Variants in CMTR1 observed in about 807,000 individuals in gnomAD.
The protein encoded by CMTR1 is cap-specific mRNA (nucleoside-2'-O-)-methyltransferase 1.
CMTR1 carries 39 observed loss-of-function variants against 107.0 expected under a neutral mutation model. The ratio of observed to expected loss-of-function variants is 0.36; its 90% CI spans 0.28 to 0.48. The LOEUF (loss-of-function observed/expected upper bound fraction) is 0.48, where lower values mean the gene tolerates loss of function less well. Among genes scored for constraint, CMTR1 ranks in the 20% least tolerant of loss-of-function variants. The probability of loss-of-function intolerance (pLI) is 0.99; values close to 1 mark genes in which losing one functional copy is unlikely to be tolerated. For synonymous variants in CMTR1, 366 were observed against 379.5 expected (o/e 0.96, Z 0.41); for missense variants, 672 against 1,064.9 (o/e 0.63, Z 5.14).
chr6:37,454,877 GGC>G (rs1761257875), intron 8 of CMTR1, among the ~76,000 whole-genome samples: 1 of 152,114 alleles, frequency 6.6e-6, no homozygotes, highest in African/African-American at 2.4e-5. Flanking sequence ...AAGCCCCACA[GGC>G]TTGGTGTGGT....
At chr6:37,460,904 C>T (rs1761390219) in intron 10 of CMTR1, among the ~76,000 whole-genome samples, 1 of 152,140 alleles carries the variant, frequency 6.6e-6, no homozygotes, top group Admixed American at 6.5e-5. Flanking sequence ...ACTCTGTCTC[C>T]TGCTGGGATC....
At position 37,481,342 on chromosome 6, in the gene CMTR1, C is replaced by T. The variant is rs1353330524; in HGVS notation, c.*1197C>T. 4.2e-6 allele frequency: 5 copies of T among 1,195,222 alleles called. No individual in the cohort carries two copies. The highest frequency in any genetic ancestry group is 5.3e-6 in the Non-Finnish European group (5 of 946,268). 74.0% of individuals were successfully genotyped at this position (1,195,222 alleles called of 1,614,324 possible). A position where few individuals can be genotyped will look rare whatever the true frequency, so the allele number is the denominator to read the frequency against. ...TCCATGGAGATAGGGCACTGAGGCT[C>T]CCGTGAGGTTGGAATCGACTTCACC... On this transcript the variant is annotated 3_prime_UTR_variant, in exon 24 of 24. Transcript: ENST00000373451.
intron 13 of CMTR1, among the ~76,000 whole-genome samples, chr6:37,468,057 G>A (rs560470827): frequency 6.7e-6 from 1 of 148,312 alleles, no homozygotes; most frequent in African/African-American, 2.5e-5. Context: ...TGTTTTGTGG[G>A]GGGGGGGACT....
At chr6:37,447,092 G>T (rs1013203872) in intron 4 of CMTR1, among the ~76,000 whole-genome samples, 1 of 152,000 alleles carries the variant, frequency 6.6e-6, no homozygotes, top group African/African-American at 2.4e-5. Flanking sequence ...TCTGTAGTGG[G>T]TACAATAAAA....
chr6:37,424,479 C>T, the CMTR1 span, among the ~76,000 whole-genome samples: 1 of 151,844 alleles, frequency 6.6e-6, no homozygotes, highest in Admixed American at 6.6e-5. Context: ...GATCTCCTGA[C>T]CTCGTGATCC....
intron 13 of CMTR1, among the ~76,000 whole-genome samples, chr6:37,470,445 C>T (rs561246863): frequency 6.6e-6 from 1 of 152,122 alleles, no homozygotes; most frequent in South Asian, 2.1e-4. Context: ...CGCGCCTGGC[C>T]GTCATTCACC....
the CMTR1 span, among the ~76,000 whole-genome samples, chr6:37,424,137 G>A: frequency 4.6e-3 from 695 of 152,192 alleles, 9 homozygotes; most frequent in African/African-American, 0.016. Flanking sequence ...CGATTTTACA[G>A]GCTGCTCTTT....
intron 14 of CMTR1, 54 bp downstream of exon 14, chr6:37,471,131 T>C: frequency 6.8e-7 from 1 of 1,478,606 alleles, no homozygotes; most frequent in Non-Finnish European, 9.2e-7. Flanking sequence ...GATCTTGCTT[T>C]TCCTCCCCAC....
chr6:37,466,111 TTTG>T (rs766633058), intron 13 of CMTR1, among the ~76,000 whole-genome samples: 8 of 124,694 alleles, frequency 6.4e-5, no homozygotes, highest in African/African-American at 3.1e-4. Flanking sequence ...TTTTACAGTT[TTTG>T]TTTTTTTTTT....
chr6:37,479,408 T>G (rs1018469829), intron 23 of CMTR1, among the ~76,000 whole-genome samples, 153 bp downstream of exon 23: 4 of 152,252 alleles, frequency 2.6e-5, no homozygotes, highest in Admixed American at 2.0e-4. Context: ...CTTGTGGGGA[T>G]GGCAGCCCCC....
chr6:37,474,467 C>A, intron 17 of CMTR1, 57 bp from the exon 18 acceptor site: 1 of 1,603,804 alleles, frequency 6.2e-7, no homozygotes, highest in South Asian at 1.1e-5. Context: ...GAGAAGTAAG[C>A]CTCTTATCCC....
intron 8 of CMTR1, among the ~76,000 whole-genome samples, chr6:37,457,546 G>T (rs1189809394): frequency 6.6e-6 from 1 of 152,196 alleles, no homozygotes; most frequent in Non-Finnish European, 1.5e-5. Context: ...AAATCTAAAT[G>T]AAGTCTAGAG....
intron 9 of CMTR1, among the ~76,000 whole-genome samples, chr6:37,459,343 C>G (rs1761357540): frequency 6.6e-6 from 1 of 152,220 alleles, no homozygotes; most frequent in African/African-American, 2.4e-5. Context: ...AGAGAAAGTT[C>G]CACGAGTTGA....
chr6:37,440,227 A>G (rs759671766), intron 2 of CMTR1, among the ~76,000 whole-genome samples: 1 of 152,170 alleles, frequency 6.6e-6, no homozygotes, highest in Non-Finnish European at 1.5e-5. Flanking sequence ...AGTTTAATAG[A>G]CTGACCTTAT....
chr6:37,480,107 G>A lies in CMTR1; in HGVS notation c.2470G>A (p.Glu824Lys). The A allele has an allele frequency of 2.5e-6, 4 of 1,600,170 alleles. No homozygotes were observed. Among genetic ancestry groups the A allele is most frequent in the Non-Finnish European group, 3.4e-6 (4 of 1,173,978 alleles). Residue 824 changes from glutamate to lysine, a missense_variant, in exon 24 of 24, where the codon GAG (glutamate) becomes AAG (lysine). Transcript: ENST00000373451. ...KPQDQDKLSK[E>K]DVLSFIQMHR... ...CCAGGACCAGGACAAGCTGTCCAAG[G>A]AGGACGTCCTCTCCTTCATCCAGAT...
At chr6:37,471,995 C>A in intron 15 of CMTR1, 91 bp downstream of exon 15, 1 of 1,167,634 alleles carries the variant, frequency 8.6e-7, no homozygotes, top group Non-Finnish European at 1.2e-6. Context: ...CTTAGGGTGT[C>A]TCTGCATCCA....
At position 37,435,502 on chromosome 6, in the gene CMTR1, C is replaced by T. The variant is rs137903617; in HGVS notation, c.-6-122C>T. On this transcript the variant is annotated intron_variant, in intron 1 of 23. Coordinates refer to ENST00000373451, the MANE Select transcript of CMTR1 (RefSeq NM_015050.3). ...GAGGAAGAGGCTATTCAAGTGCTGG[C>T]ACTGGAAGATGTGTAGAATTGCCAA... 1.6e-5 allele frequency: 16 copies of T among 1,013,526 alleles called. No individual in the cohort carries two copies. In the African/African-American group the frequency reaches 2.5e-4, roughly 16 times the overall value. 62.8% of individuals were successfully genotyped at this position (1,013,526 alleles called of 1,614,324 possible).
intron 5 of CMTR1, 54 bp from the exon 6 acceptor site, chr6:37,451,752 C>G (rs1221434230): frequency 7.4e-7 from 1 of 1,343,448 alleles, no homozygotes; most frequent in African/African-American, 1.4e-5. Context: ...TTCATTCATC[C>G]CCGACAATTG....
chr6:37,459,650 A>G lies in CMTR1; in HGVS notation c.1061A>G (p.Asp354Gly). 1 of 1,614,186 alleles carries G rather than the reference A, an allele frequency of 6.2e-7. No homozygotes were observed. The highest frequency in any genetic ancestry group is 8.5e-7 in the Non-Finnish European group (1 of 1,180,032). Residue 354 changes from aspartate to glycine, a missense_variant, in exon 10 of 24, where the codon GAT becomes GGT. Transcript: ENST00000373451. Reference sequence around the variant, plus strand: ...CGGAATTTTGTCCTGGATAACACAGATCGCAAGGGTGTCCATTTTCTGATG... The same window carrying G: ...CGGAATTTTGTCCTGGATAACACAGGTCGCAAGGGTGTCCATTTTCTGATG... ...AFRNFVLDNT[D>G]RKGVHFLMAD...
Sources: allele counts gnomAD v4.1 joint callset (sites outside exome capture counted in the v4.1 genomes callset), GRCh38; gene constraint gnomAD v4.1.1; transcripts MANE v1.5; gene names NCBI Gene and HGNC (gene_info 2026-07-23, HGNC 2026-07-21).